The following TNFRSF21 variants were observed in gnomAD, a reference collection of about 807,000 sequenced individuals.
TNFRSF21 encodes tumor necrosis factor receptor superfamily member 21.
Under a neutral mutation model 45.6 loss-of-function variants are expected in TNFRSF21, and 19 were observed. The ratio of observed to expected loss-of-function variants is 0.42; its 90% CI spans 0.29 to 0.61. TNFRSF21 has a LOEUF of 0.61. TNFRSF21 is among the 20% of genes least tolerant of loss of function. TNFRSF21 has a pLI of 0.23. For synonymous variants in TNFRSF21, 314 were observed against 335.5 expected (o/e 0.94, Z 0.70); for missense variants, 737 against 851.5 (o/e 0.87, Z 1.67).
chr6:47,261,769 G>C (rs910525316), intron 3 of TNFRSF21, among the ~76,000 whole-genome samples: 1 of 152,182 alleles, frequency 6.6e-6, no homozygotes, highest in Non-Finnish European at 1.5e-5. Context: ...CCTTCTGCTG[G>C]GATCAGCTGT....
chr6:47,258,397 G>GTTTTT (rs778644346), intron 3 of TNFRSF21, among the ~76,000 whole-genome samples: 8 of 124,554 alleles, frequency 6.4e-5, no homozygotes, highest in African/African-American at 6.8e-5. Context: ...AAGTAATTGT[G>GTTTTT]GTTTTTTTTT....
chr6:47,285,543 T>G (rs916053570), intron 2 of TNFRSF21, among the ~76,000 whole-genome samples: 4 of 152,192 alleles, frequency 2.6e-5, no homozygotes, highest in Admixed American at 6.5e-5. Context: ...TGGCTATGTC[T>G]ACCTGGGACT....
At chr6:47,304,616 T>C (rs1277138160) in intron 1 of TNFRSF21, among the ~76,000 whole-genome samples, 1 of 151,580 alleles carries the variant, frequency 6.6e-6, no homozygotes, top group African/African-American at 2.4e-5. Flanking sequence ...GTGCTTACTA[T>C]ATCCTGCTTG....
At chr6:47,270,534 A>C (rs567301941) in intron 3 of TNFRSF21, among the ~76,000 whole-genome samples, 1 of 152,370 alleles carries the variant, frequency 6.6e-6, no homozygotes, top group South Asian at 2.1e-4. Flanking sequence ...GACCAAAGGT[A>C]GATAAAACCA....
At chr6:47,245,826 G>A (rs1764816734) in intron 4 of TNFRSF21, among the ~76,000 whole-genome samples, 1 of 152,160 alleles carries the variant, frequency 6.6e-6, no homozygotes, top group East Asian at 1.9e-4. Flanking sequence ...TCACGGTTCT[G>A]CAAGCTGTAT....
chr6:47,250,742 GC>G (rs1260209885), intron 4 of TNFRSF21, among the ~76,000 whole-genome samples: 2 of 152,234 alleles, frequency 1.3e-5, no homozygotes, highest in Non-Finnish European at 2.9e-5. Context: ...TCTCAATTAA[GC>G]CCCCTGCCTT....
At chr6:47,276,439 C>T (rs1258714043) in intron 3 of TNFRSF21, among the ~76,000 whole-genome samples, 1 of 152,150 alleles carries the variant, frequency 6.6e-6, no homozygotes, top group African/African-American at 2.4e-5. Flanking sequence ...TGTTGAAATT[C>T]GAGAAAGCCT....
At position 47,309,492 on chromosome 6, in the gene TNFRSF21, C is replaced by A. The variant is rs1228324263; in HGVS notation, c.20G>T (p.Ser7Ile). The A allele has an allele frequency of 6.6e-7, 1 of 1,519,562 alleles. No homozygotes were observed. Among genetic ancestry groups the A allele is most frequent in the Non-Finnish European group, 8.8e-7 (1 of 1,141,166 alleles). 94.1% of individuals were successfully genotyped at this position (1,519,562 alleles called of 1,614,324 possible). MGTSPS[S>I]STALASCSRI... ...GCTGCAGGAGGCGAGGGCGGTGCTG[C>A]TGCTCGGAGAGGTCCCCATGGCTGA... The change falls in exon 1 of 6, where the codon AGC becomes ATC. Residue 7 changes from serine (S) to isoleucine (I), a missense_variant. Transcript: ENST00000296861.
chr6:47,253,067 TAGAC>T (rs1019176982), intron 4 of TNFRSF21, among the ~76,000 whole-genome samples, 185 bp downstream of exon 4: 2 of 152,012 alleles, frequency 1.3e-5, no homozygotes, highest in African/African-American at 4.8e-5. Flanking sequence ...ATGATTCTAA[TAGAC>T]GGCCACTGAG....
chr6:47,249,655 G>A (rs1311255519), intron 4 of TNFRSF21, among the ~76,000 whole-genome samples: 2 of 152,116 alleles, frequency 1.3e-5, no homozygotes, highest in African/African-American at 2.4e-5. Flanking sequence ...TAATAACTCT[G>A]CCTTTTAGCA....
intron 3 of TNFRSF21, among the ~76,000 whole-genome samples, chr6:47,282,190 A>G (rs373938115): frequency 2.8e-4 from 42 of 152,226 alleles, no homozygotes; most frequent in African/African-American, 9.9e-4. Flanking sequence ...GTTCAAGACC[A>G]GCCTGACCAA....
At chr6:47,305,081 T>C (rs905086585) in intron 1 of TNFRSF21, among the ~76,000 whole-genome samples, 2 of 152,232 alleles carry the variant, frequency 1.3e-5, no homozygotes, top group Admixed American at 1.3e-4. Flanking sequence ...TCAGGTATTT[T>C]AAAGATTTTA....
intron 1 of TNFRSF21, among the ~76,000 whole-genome samples, chr6:47,304,305 AAAAG>A (rs1762909455): frequency 6.6e-6 from 1 of 152,210 alleles, no homozygotes; most frequent in Admixed American, 6.5e-5. Flanking sequence ...AAAAAAAAAA[AAAAG>A]ATGTTTATTT....
At chr6:47,268,659 A>C (rs1762370488) in intron 3 of TNFRSF21, among the ~76,000 whole-genome samples, 1 of 152,182 alleles carries the variant, frequency 6.6e-6, no homozygotes, top group Non-Finnish European at 1.5e-5. Context: ...AAATCATCCA[A>C]GTAAAAGATA....
At chr6:47,233,676 A>AT (rs141340750) in intron 5 of TNFRSF21, among the ~76,000 whole-genome samples, 61,335 of 149,584 alleles carry the variant, frequency 0.41, 14,690 homozygotes, top group Non-Finnish European at 0.55. Flanking sequence ...AAATATAAAT[A>AT]TTTTATGTAA....
At chr6:47,309,002 G>C (rs6458554) in intron 1 of TNFRSF21, among the ~76,000 whole-genome samples, 70,581 of 152,034 alleles carry the variant, frequency 0.46, 18,284 homozygotes, top group African/African-American at 0.7. Context: ...TCGGCCGGCC[G>C]TGGGAGCCCC....
intron 3 of TNFRSF21, among the ~76,000 whole-genome samples, chr6:47,257,925 T>C (rs2113852015): frequency 6.6e-6 from 1 of 152,240 alleles, no homozygotes; most frequent in African/African-American, 2.4e-5. Flanking sequence ...TCAATTGTGG[T>C]TAATAGGGAA....
chr6:47,291,487 C>G (rs550589281), intron 1 of TNFRSF21, among the ~76,000 whole-genome samples: 2 of 152,070 alleles, frequency 1.3e-5, no homozygotes, highest in Non-Finnish European at 2.9e-5. Context: ...AATGGAGAGA[C>G]GGTGACAGAT....
At chr6:47,246,688 C>T (rs946769492) in intron 4 of TNFRSF21, among the ~76,000 whole-genome samples, 5 of 152,076 alleles carry the variant, frequency 3.3e-5, no homozygotes, top group Admixed American at 2.6e-4. Context: ...GTAAAACAGA[C>T]GTTCTTTGCA....
Sources: gnomAD v4.1 joint callset for allele counts (sites outside exome capture counted in the v4.1 genomes callset) on GRCh38, gnomAD v4.1.1 for gene constraint, MANE v1.5 for transcripts, NCBI Gene and HGNC (gene_info 2026-07-23, HGNC 2026-07-21) for gene names.